Variants in OPA3 observed in about 807,000 individuals in gnomAD.
OPA3 encodes the protein outer mitochondrial membrane lipid metabolism regulator OPA3.
OPA3 carries 6 observed loss-of-function variants against 4.0 expected under a neutral mutation model. That is an observed-to-expected ratio of 1.51 (90% CI 0.83 to 2.99). The LOEUF is 2.99. Ranked by LOEUF, OPA3 falls within the 30% of genes most tolerant of loss-of-function variation. The pLI is 0.00. For missense variants in OPA3, 235 were observed against 256.2 expected, an observed-to-expected ratio of 0.92 and a Z score of 0.56; for synonymous variants, 105 against 117.1, an observed-to-expected ratio of 0.90 and a Z score of 0.67.
chr19:45,578,228 G>C (rs1316268194), intron 1 of OPA3, among the ~76,000 whole-genome samples: 2 of 152,270 alleles, frequency 1.3e-5, no homozygotes, highest in Middle Eastern at 3.4e-3. Context: ...ACTAACATTA[G>C]CCACAAGATT....
chr19:45,539,273 C>A (rs1368436779), intron 1 of OPA3, among the ~76,000 whole-genome samples: 1 of 152,024 alleles, frequency 6.6e-6, no homozygotes, highest in Non-Finnish European at 1.5e-5. Flanking sequence ...GGTGCAGCCA[C>A]TTTGGAAAGT....
At chr19:45,562,816 T>A (rs1340129858) in intron 1 of OPA3, among the ~76,000 whole-genome samples, 1 of 152,230 alleles carries the variant, frequency 6.6e-6, no homozygotes, top group African/African-American at 2.4e-5. Flanking sequence ...GCAGGCTTTA[T>A]ACCAGTGTTC....
rs2122412543 is a variant in OPA3, at chr19:45,546,939, G to C, written c.*6575C>G. On this transcript the variant is annotated 3_prime_UTR_variant, in exon 2 of 2. Transcript: ENST00000263275. ...CCACCTTGGTCTTCCAAAGTACTGA[G>C]ATTACAGGCGTGAGCCACCGCGCCT... 6.6e-6 allele frequency: 1 copy of C among 152,338 alleles called. No homozygotes were observed. The highest frequency in any genetic ancestry group is 2.4e-5 in the African/African-American group (1 of 41,570). The allele number at this position is 152,338 out of a possible 1,614,324, so 9.4% of individuals were successfully genotyped here.
chr19:45,536,668 C>T (rs957016577), intron 1 of OPA3, among the ~76,000 whole-genome samples: 10 of 151,594 alleles, frequency 6.6e-5, no homozygotes, highest in African/African-American at 1.2e-4. Flanking sequence ...ATCATCAAAA[C>T]AGGGTGGCAT....
intron 1 of OPA3, among the ~76,000 whole-genome samples, chr19:45,576,673 G>A (rs1360122554): frequency 2.6e-5 from 4 of 151,976 alleles, no homozygotes; most frequent in Non-Finnish European, 4.4e-5. Context: ...GAGGCTGCCC[G>A]CATTCCTTGG....
At chr19:45,543,851 C>CT (rs1314339049), downstream of OPA3, among the ~76,000 whole-genome samples, 1 of 152,206 alleles carries the variant, frequency 6.6e-6, no homozygotes, top group Non-Finnish European at 1.5e-5. Flanking sequence ...ATCGGCATCT[C>CT]TAACTGTAAA....
Position 45,558,825 on chromosome 19 carries a change from C to T in OPA3, c.143-4914G>A, listed in dbSNP as rs145021639. The stretch of plus-strand genomic sequence containing the variant: ...GCAATGCAGTGGCCATGGAAACACT[C>T]TCCAGTGTGGTGTGACTAAGGCAGA... On this transcript the variant is annotated intron_variant, in intron 1 of 1. Coordinates refer to ENST00000263275, the MANE Select transcript of OPA3 (RefSeq NM_025136.4). Among the ~76,000 whole-genome samples, 32 of 151,788 alleles carry T rather than the reference C, an allele frequency of 2.1e-4. No individual in the cohort carries two copies. In the East Asian group the frequency reaches 6.0e-3, roughly 28 times the overall value.
At chr19:45,564,236 A>C (rs1599979018) in intron 1 of OPA3, among the ~76,000 whole-genome samples, 1 of 151,696 alleles carries the variant, frequency 6.6e-6, no homozygotes, top group African/African-American at 2.4e-5. Flanking sequence ...TTGAGGCGGG[A>C]GCAGATGGCT....
Position 45,549,323 on chromosome 19 carries a change from A to G in OPA3, c.*4191T>C. 1.0e-6 allele frequency: 1 copy of G among 984,722 alleles called. No homozygotes were observed. The highest frequency in any genetic ancestry group is 1.2e-6 in the Non-Finnish European group (1 of 829,868). 61.0% of individuals were successfully genotyped at this position (984,722 alleles called of 1,614,324 possible). On this transcript the variant is annotated 3_prime_UTR_variant, in exon 2 of 2. Transcript: ENST00000263275. Reference sequence around the variant, plus strand: ...GCCACCCCTGACGCCGCAGTGGGGGAAGTAGATGGCCCTGCTGCCCACGAT... The same window carrying G: ...GCCACCCCTGACGCCGCAGTGGGGGGAGTAGATGGCCCTGCTGCCCACGAT...
Position 45,553,424 on chromosome 19 carries a change from A to T in OPA3, c.*90T>A. The T allele has an allele frequency of 6.3e-7, 1 of 1,599,460 alleles. No individual in the cohort carries two copies. Among genetic ancestry groups the T allele is most frequent in the Non-Finnish European group, 8.5e-7 (1 of 1,179,112 alleles). On this transcript the variant is annotated 3_prime_UTR_variant, in exon 2 of 2. Coordinates refer to ENST00000263275, the MANE Select transcript of OPA3 (RefSeq NM_025136.4). ...TTGCATCAAGATCCTGGTGGTTTCC[A>T]CTGGGCCAGCGCAGGCAAGGGTGGT... is the stretch of plus-strand genomic sequence containing the variant.
At position 45,554,548 on chromosome 19, in the gene OPA3, CA is replaced by C. The variant is rs1254950379; in HGVS notation, c.143-638del. ...CAAGAGGTGAGTGGTGCTGCTGGAA[CA>C]AAAACTCCTTCCTTGCCTAGCTGCT... On this transcript the variant is annotated intron_variant, in intron 1 of 1. Coordinates refer to ENST00000263275, the MANE Select transcript of OPA3 (RefSeq NM_025136.4). Among the ~76,000 whole-genome samples the C allele has an allele frequency of 2.0e-5, 3 of 152,266 alleles. No individual in the cohort carries two copies. The East Asian group carries it at 5.8e-4, about 29-fold the overall frequency.
exon 2 of OPA3, chr19:45,529,379 C>T: frequency 6.2e-7 from 1 of 1,614,210 alleles, no homozygotes; most frequent in Non-Finnish European, 8.5e-7. Context: ...GCGGCTGCAC[C>T]CTCGTTCAGC....
intron 1 of OPA3, among the ~76,000 whole-genome samples, chr19:45,535,560 T>C (rs537747252): frequency 6.6e-5 from 10 of 151,924 alleles, no homozygotes; most frequent in Non-Finnish European, 1.2e-4. Context: ...GGTTTCGCCA[T>C]GTTGTTCAGG....
chr19:45,550,909 G>A lies in OPA3; in HGVS notation c.*2605C>T. Reference sequence around the variant, plus strand: ...AGTAGAAAAGGGTGGTTCCTAGACTGTTCCTCTCAGCTAGCAGGAAGGCCA... The same window carrying A: ...AGTAGAAAAGGGTGGTTCCTAGACTATTCCTCTCAGCTAGCAGGAAGGCCA... On this transcript the variant is annotated 3_prime_UTR_variant, in exon 2 of 2. Coordinates refer to ENST00000263275, the MANE Select transcript of OPA3 (RefSeq NM_025136.4). 1.0e-6 allele frequency: 1 copy of A among 985,818 alleles called. No homozygotes were observed. The allele number at this position is 985,818 out of a possible 1,614,324, so 61.1% of individuals were successfully genotyped here. A position where few individuals can be genotyped will look rare whatever the true frequency, so the allele number is the denominator to read the frequency against.
intron 1 of OPA3, among the ~76,000 whole-genome samples, chr19:45,570,420 T>C (rs1456898776): frequency 6.6e-6 from 1 of 152,168 alleles, no homozygotes; most frequent in Non-Finnish European, 1.5e-5. Flanking sequence ...CGGTGGCTCA[T>C]GCCTGTAATC....
At chr19:45,537,009 T>C (rs578145337) in intron 1 of OPA3, among the ~76,000 whole-genome samples, 1 of 152,026 alleles carries the variant, frequency 6.6e-6, no homozygotes, top group Admixed American at 6.6e-5. Flanking sequence ...GTGGGAGGAT[T>C]GCTTCAGAGA....
intron 1 of OPA3, among the ~76,000 whole-genome samples, chr19:45,558,010 C>T (rs569747109): frequency 1.1e-3 from 174 of 152,260 alleles, no homozygotes; most frequent in South Asian, 1.9e-3. Context: ...TTGTCCCCCA[C>T]GCAGCAATCA....
exon 2 of OPA3, chr19:45,529,050 G>A: frequency 6.3e-7 from 1 of 1,598,986 alleles, no homozygotes; most frequent in Non-Finnish European, 8.5e-7. Flanking sequence ...AGGGCCCCGA[G>A]ACCTCCTATT....
chr19:45,549,758 G>A lies in OPA3; in HGVS notation c.*3756C>T. The A allele has an allele frequency of 1.0e-6, 1 of 985,404 alleles. No homozygotes were observed. Among genetic ancestry groups the A allele is most frequent in the Non-Finnish European group, 1.2e-6 (1 of 830,010 alleles). 61.0% of individuals were successfully genotyped at this position (985,404 alleles called of 1,614,324 possible). A position where few individuals can be genotyped will look rare whatever the true frequency, so the allele number is the denominator to read the frequency against. On this transcript the variant is annotated 3_prime_UTR_variant, in exon 2 of 2. Transcript: ENST00000263275. ...GCCTCTCAAAGTGCTGGGATGACAG[G>A]CGTGAGCTGGCCTGGGTCACTCCCA...
Sources: gnomAD v4.1 joint callset for allele counts (sites outside exome capture counted in the v4.1 genomes callset) on GRCh38, gnomAD v4.1.1 for gene constraint, MANE v1.5 for transcripts, NCBI Gene and HGNC (gene_info 2026-07-23, HGNC 2026-07-21) for gene names.